RRN3: variants seen among roughly 807,000 people sequenced by gnomAD.
RRN3 encodes the protein RNA polymerase I transcription factor RRN3.
RRN3 carries 38 observed loss-of-function variants against 82.3 expected under a neutral mutation model. The observed-to-expected ratio is 0.46, with a 90% CI of 0.36 to 0.61. The LOEUF (loss-of-function observed/expected upper bound fraction) is 0.61. RRN3 is among the 20% of genes least tolerant of loss of function. RRN3 has a pLI of 0.00. For synonymous variants in RRN3, 284 were observed against 284.3 expected (o/e 1.00, Z 0.01); for missense variants, 726 against 793.1 (o/e 0.92, Z 1.02).
At position 15,070,176 on chromosome 16, in the gene RRN3, T is replaced by C; in HGVS notation, c.1338A>G (p.Ala446=). The C allele has an allele frequency of 6.2e-7, 1 of 1,610,106 alleles. No individual in the cohort carries two copies. Among genetic ancestry groups the C allele is most frequent in the Non-Finnish European group, 8.5e-7 (1 of 1,178,966 alleles). ...GTCCATGGAGAGCAACATCGCAGAA[T>C]GCCTTTGTTCCCGAATCCTGGTTAT... The part of the protein sequence containing the change: ...YLNNQDSGTK[A]FCDVALHGPF... Residue 446 remains alanine, a synonymous_variant, in exon 14 of 18, where the codon GCA becomes GCG. Coordinates refer to ENST00000198767, the MANE Select transcript of RRN3 (RefSeq NM_018427.5).
intron 11 of RRN3, among the ~76,000 whole-genome samples, chr16:15,073,662 C>T (rs2045334778): frequency 6.6e-6 from 1 of 152,106 alleles, no homozygotes; most frequent in African/African-American, 2.4e-5. Context: ...ACCTCTAATC[C>T]GATCATTTTA....
At chr16:15,080,418 A>G (rs2045650465) in intron 8 of RRN3, among the ~76,000 whole-genome samples, 3 of 152,178 alleles carry the variant, frequency 2.0e-5, no homozygotes, top group South Asian at 2.1e-4. Context: ...GAGACCATCA[A>G]CATAATCAAT....
chr16:15,060,749 C>G lies in RRN3; in HGVS notation c.*995G>C, dbSNP rs893299104. On this transcript the variant is annotated 3_prime_UTR_variant, in exon 18 of 18. Transcript: ENST00000198767. ...CCGAATGTGCGATGCACACAGCCAT[C>G]AGACCAAGACTGCACTAGCAACTTC... 8.5e-5 allele frequency: 13 copies of G among 152,306 alleles called. No homozygotes were observed. The highest frequency in any genetic ancestry group is 3.1e-4 in the African/African-American group (13 of 41,468). 9.4% of individuals were successfully genotyped at this position (152,306 alleles called of 1,614,324 possible).
chr16:15,091,423 T>C (rs1444745802), intron 2 of RRN3, 52 bp from the exon 3 acceptor site: 3 of 1,286,184 alleles, frequency 2.3e-6, no homozygotes, highest in Non-Finnish European at 3.3e-6. Context: ...CTGTTTAGTA[T>C]CAACAGCAAG....
rs1021641887 is a variant in RRN3, at chr16:15,061,590, T to C, written c.*154A>G. On this transcript the variant is annotated 3_prime_UTR_variant, in exon 18 of 18. Transcript: ENST00000198767. ...ACAACAAAAAAACCCAGTCTTCAGA[T>C]GCTTGATTCAGTCGAACCTGGAAGT... 4.0e-5 allele frequency: 23 copies of C among 576,752 alleles called. No homozygotes were observed. The South Asian group carries it at 7.1e-4, about 18-fold the overall frequency. The allele number at this position is 576,752 out of a possible 1,614,324, so 35.7% of individuals were successfully genotyped here. A position where few individuals can be genotyped will look rare whatever the true frequency, so the allele number is the denominator to read the frequency against.
rs1405105717 is a variant in RRN3 at position 15,063,128 on chromosome 16, A to C, written c.1794+68T>G. The C allele has an allele frequency of 2.5e-6, 3 of 1,195,964 alleles. No homozygotes were observed. The African/African-American group carries it at 4.5e-5, about 18-fold the overall frequency. 74.1% of individuals were successfully genotyped at this position (1,195,964 alleles called of 1,614,324 possible). A position where few individuals can be genotyped will look rare whatever the true frequency, so the allele number is the denominator to read the frequency against. On this transcript the variant is annotated intron_variant, in intron 17 of 17. Coordinates refer to ENST00000198767, the MANE Select transcript of RRN3 (RefSeq NM_018427.5). ...TACACGCACGAACGACTTGCCACTT[A>C]CTATCTCACTGTGACCTGGAACCAG...
chr16:15,080,328 T>C (rs2045645794), intron 8 of RRN3, among the ~76,000 whole-genome samples: 1 of 152,242 alleles, frequency 6.6e-6, no homozygotes, highest in Non-Finnish European at 1.5e-5. Context: ...GGTTTTTAAG[T>C]AGCTGTATTG....
chr16:15,074,876 AG>A lies in RRN3; in HGVS notation c.859-16del, dbSNP rs780098152. ...TCATCTTCATCCTTTGAAGACAAAA[AG>A]TAAATACTAACATTAAAAAATTCAA... On this transcript the variant is annotated splice_polypyrimidine_tract_variant and intron_variant, in intron 10 of 17. Transcript: ENST00000198767. 23 of 1,598,468 alleles carry A rather than the reference AG, an allele frequency of 1.4e-5. No homozygotes were observed. In the African/African-American group the frequency reaches 3.1e-4, roughly 22 times the overall value.
chr16:15,086,970 T>C (rs777574240), intron 3 of RRN3, among the ~76,000 whole-genome samples: 3 of 152,218 alleles, frequency 2.0e-5, no homozygotes, highest in Non-Finnish European at 4.4e-5. Flanking sequence ...TCTGTATAAA[T>C]GATAGCCCCA....
chr16:15,078,978 A>AT (rs1443308398), intron 9 of RRN3, among the ~76,000 whole-genome samples: 1 of 151,654 alleles, frequency 6.6e-6, no homozygotes, highest in African/African-American at 2.4e-5. Flanking sequence ...TACCCGGCCA[A>AT]TTTTTTGTAT....
At chr16:15,062,045 G>T in intron 17 of RRN3, 140 bp from the exon 18 acceptor site, 1 of 794,028 alleles carries the variant, frequency 1.3e-6, no homozygotes, top group Non-Finnish European at 2.0e-6. Context: ...CCAGTGTAGT[G>T]GCACACGCCT....
rs541779142 is a variant in RRN3, at chr16:15,089,049, T to A, written c.252+2266A>T. ...CGGGTGGAGTGGCTCACGTCTATAATCCCAGCACTTTGGGAGGCTGAGGCG... is the reference window on the plus strand; with the variant it reads ...CGGGTGGAGTGGCTCACGTCTATAAACCCAGCACTTTGGGAGGCTGAGGCG... On this transcript the variant is annotated intron_variant, in intron 3 of 17. Transcript: ENST00000198767. Among the ~76,000 whole-genome samples the A allele has an allele frequency of 1.7e-3, 254 of 152,228 alleles. 1 individual carries two copies. The highest frequency in any genetic ancestry group is 5.9e-3 in the African/African-American group (247 of 41,528).
At chr16:15,092,468 G>C in intron 2 of RRN3, 41 bp downstream of exon 2, 1 of 1,287,322 alleles carries the variant, frequency 7.8e-7, no homozygotes, top group African/African-American at 1.5e-5. Context: ...GTTGTATTCT[G>C]ACCTAACCAA....
At position 15,063,196 on chromosome 16, in the gene RRN3, C is replaced by A; in HGVS notation, c.1794G>T (p.Lys598Asn). Residue 598 changes from lysine to asparagine, a missense_variant and splice_region_variant, in exon 17 of 18, where the codon AAG (lysine) becomes AAT (asparagine). Lys to Asn is a moderately conservative substitution (Grantham distance 94). Transcript: ENST00000198767. ...TGTGCTCAATCAATCACAAACTGAC[C>A]TTTTTCATGGGTTTCTTGAACTCCT... ...ELQEFKKPMK[K>N]DIVEDEDDDF... 6.2e-7 allele frequency: 1 copy of A among 1,600,694 alleles called. No homozygotes were observed. Among genetic ancestry groups the A allele is most frequent in the Non-Finnish European group, 8.6e-7 (1 of 1,167,788 alleles).
Position 15,061,687 on chromosome 16 carries a change from G to T in RRN3, c.*57C>A. On this transcript the variant is annotated 3_prime_UTR_variant, in exon 18 of 18. Coordinates refer to ENST00000198767, the MANE Select transcript of RRN3 (RefSeq NM_018427.5). Reference sequence around the variant, plus strand: ...CCAATGGCACAAGCTGGGTGCTGAGGGCATGACAAGTGATGGGGAATCCCA... The same window carrying T: ...CCAATGGCACAAGCTGGGTGCTGAGTGCATGACAAGTGATGGGGAATCCCA... 1 of 1,539,768 alleles carries T rather than the reference G, an allele frequency of 6.5e-7. No individual in the cohort carries two copies. Among genetic ancestry groups the T allele is most frequent in the Non-Finnish European group, 8.9e-7 (1 of 1,120,310 alleles).
chr16:15,063,318 A>C lies in RRN3; in HGVS notation c.1707-35T>G, dbSNP rs776065129. 8 of 1,505,108 alleles carry C rather than the reference A, an allele frequency of 5.3e-6. No homozygotes were observed. The South Asian group carries it at 9.0e-5, about 17-fold the overall frequency. The allele number at this position is 1,505,108 out of a possible 1,614,324, so 93.2% of individuals were successfully genotyped here. A position where few individuals can be genotyped will look rare whatever the true frequency, so the allele number is the denominator to read the frequency against. On this transcript the variant is annotated intron_variant, in intron 16 of 17. Transcript: ENST00000198767. Reference sequence around the variant, plus strand: ...AAGATCACATTTCAAAGTCAAGTTAAATACTTCGGCAGAAGTCAAAATTGG... The same window carrying C: ...AAGATCACATTTCAAAGTCAAGTTACATACTTCGGCAGAAGTCAAAATTGG...
intron 9 of RRN3, among the ~76,000 whole-genome samples, chr16:15,078,623 G>C (rs929483721): frequency 1.3e-5 from 2 of 152,024 alleles, no homozygotes; most frequent in African/African-American, 4.8e-5. Context: ...CCAGGCTCTT[G>C]GTTTTCCCCA....
intron 9 of RRN3, among the ~76,000 whole-genome samples, chr16:15,079,324 C>A (rs1254852150): frequency 2.0e-5 from 3 of 152,198 alleles, no homozygotes; most frequent in Admixed American, 6.5e-5. Context: ...AAAGTTTTAA[C>A]TGTTTATAAT....
intron 11 of RRN3, among the ~76,000 whole-genome samples, chr16:15,074,282 C>T (rs906368969): frequency 1.3e-5 from 2 of 152,134 alleles, no homozygotes; most frequent in East Asian, 3.8e-4. Context: ...ATTCTGTTTT[C>T]GCCTGGCAAA....
Sources: allele counts gnomAD v4.1 joint callset (sites outside exome capture counted in the v4.1 genomes callset), GRCh38; gene constraint gnomAD v4.1.1; transcripts MANE v1.5; gene names NCBI Gene and HGNC (gene_info 2026-07-23, HGNC 2026-07-21).